Variants in CLEC16A observed in about 807,000 individuals in gnomAD.
The protein encoded by CLEC16A is C-type lectin domain containing 16A.
Under a neutral mutation model 109.5 loss-of-function variants are expected in CLEC16A, and 51 were observed. The observed-to-expected ratio is 0.47, with a 90% CI of 0.37 to 0.59. The LOEUF is 0.59. Ranked by LOEUF, CLEC16A falls within the 20% of genes least tolerant of loss-of-function variation. The pLI, the probability that CLEC16A is intolerant of heterozygous loss-of-function variation, is 0.00. For synonymous variants in CLEC16A, 673 were observed against 564.2 expected (o/e 1.19, Z -2.73); for missense variants, 1,339 against 1,394.0 (o/e 0.96, Z 0.63).
intron 19 of CLEC16A, among the ~76,000 whole-genome samples, chr16:11,117,750 A>G (rs1291964084): frequency 6.6e-6 from 1 of 152,192 alleles, no homozygotes; most frequent in African/African-American, 2.4e-5. Context: ...TTAAATGGGT[A>G]TATAATTTTG....
chr16:11,019,891 A>T (rs1297618151), intron 11 of CLEC16A, among the ~76,000 whole-genome samples: 1 of 152,234 alleles, frequency 6.6e-6, no homozygotes. Context: ...GAAATGTGGT[A>T]TCAATAAAGT....
chr16:11,157,925 T>G (rs28674755), intron 22 of CLEC16A, among the ~76,000 whole-genome samples: 5,203 of 152,204 alleles, frequency 0.034, 303 homozygotes, highest in African/African-American at 0.12. Flanking sequence ...CCAGAGCTGC[T>G]TCTTGAGTCA....
intron 10 of CLEC16A, among the ~76,000 whole-genome samples, chr16:11,000,808 C>T (rs1054308199): frequency 1.3e-5 from 2 of 152,066 alleles, no homozygotes; most frequent in East Asian, 1.9e-4. Context: ...TTGTTTTGAG[C>T]GTTATTGAAA....
chr16:11,113,141 CAG>C, intron 19 of CLEC16A, among the ~76,000 whole-genome samples: 1 of 152,356 alleles, frequency 6.6e-6, no homozygotes, highest in Middle Eastern at 3.4e-3. Context: ...AGGGTGCTGT[CAG>C]AGAGCTCTTG....
In CLEC16A at chr16:11,166,559, G is replaced by A; in HGVS notation, c.2806+7G>A. 3 of 1,580,050 alleles carry A rather than the reference G, an allele frequency of 1.9e-6. No homozygotes were observed. On this transcript the variant is annotated splice_region_variant and intron_variant, in intron 23 of 23. Transcript: ENST00000409790. The stretch of plus-strand genomic sequence containing the variant: ...ACAGCCCAGAGTCCAGCAGGTATTG[G>A]CCACGTGACTCAGTGATATGGGGAC...
At chr16:11,076,421 G>A (rs2049379542) in intron 19 of CLEC16A, among the ~76,000 whole-genome samples, 1 of 152,118 alleles carries the variant, frequency 6.6e-6, no homozygotes, top group Admixed American at 6.5e-5. Flanking sequence ...CATGGGGGGA[G>A]TGGGGTTGAG....
At chr16:11,005,767 A>G (rs968664050) in intron 11 of CLEC16A, among the ~76,000 whole-genome samples, 5 of 152,164 alleles carry the variant, frequency 3.3e-5, no homozygotes, top group Non-Finnish European at 7.3e-5. Flanking sequence ...GAAGGGTGTC[A>G]GGCACATTTC....
intron 16 of CLEC16A, 81 bp from the exon 17 acceptor site, chr16:11,047,211 C>T: frequency 8.3e-7 from 1 of 1,197,770 alleles, no homozygotes; most frequent in Non-Finnish European, 1.1e-6. Context: ...TCTAAAGCCA[C>T]AAACTAGAGT....
At chr16:11,029,808 A>T (rs1051649829) in intron 13 of CLEC16A, among the ~76,000 whole-genome samples, 8 of 152,222 alleles carry the variant, frequency 5.3e-5, no homozygotes, top group African/African-American at 1.9e-4. Flanking sequence ...ACATATGTAA[A>T]TACCCGTGAA....
At position 11,060,997 on chromosome 16, in the gene CLEC16A, C is replaced by G. The variant is rs952198322; in HGVS notation, c.2091C>G (p.Ile697Met). The change falls in exon 19 of 24, where the codon ATC (isoleucine) becomes ATG (methionine). Residue 697 changes from isoleucine (I) to methionine (M), a missense_variant. Ile to Met is a conservative substitution (Grantham distance 10). This residue lies in a region of CLEC16A where 1,061 missense variants were observed against 1,006.8 expected (regional missense o/e 1.05). Coordinates refer to ENST00000409790, the MANE Select transcript of CLEC16A (RefSeq NM_015226.3). The stretch of plus-strand genomic sequence containing the variant: ...CGCTGACTCGGGAGGAGGACCTGAT[C>G]AAGACTGATGATGTCCTGGATCTGA... ...QLPLTREEDL[I>M]KTDDVLDLNN... The G allele has an allele frequency of 6.2e-7, 1 of 1,611,148 alleles. No homozygotes were observed. The highest frequency in any genetic ancestry group is 8.5e-7 in the Non-Finnish European group (1 of 1,179,260).
At chr16:10,995,816 C>T (rs1221239393) in intron 10 of CLEC16A, among the ~76,000 whole-genome samples, 1 of 152,190 alleles carries the variant, frequency 6.6e-6, no homozygotes, top group Non-Finnish European at 1.5e-5. Context: ...CATGGCCTGT[C>T]TCCTTTCTTA....
intron 10 of CLEC16A, among the ~76,000 whole-genome samples, chr16:10,993,466 T>C (rs976721123): frequency 2.6e-5 from 4 of 152,308 alleles, no homozygotes; most frequent in Middle Eastern, 3.4e-3. Context: ...GGTGGTGTTA[T>C]TGTCACACGC....
Position 11,011,318 on chromosome 16 carries a change from C to A in CLEC16A, c.1303+8013C>A, listed in dbSNP as rs2045399175. Among the ~76,000 whole-genome samples the A allele has an allele frequency of 1.3e-5, 2 of 151,776 alleles. 1 individual carries two copies. The highest frequency in any genetic ancestry group is 4.2e-4 in the South Asian group (2 of 4,814). On this transcript the variant is annotated intron_variant, in intron 11 of 23. Coordinates refer to ENST00000409790, the MANE Select transcript of CLEC16A (RefSeq NM_015226.3). ...CCTTGGCATTCTGTTGTAAGCAAGA[C>A]CTTTCCCTTCTTCTCATTTATTTAT...
intron 22 of CLEC16A, among the ~76,000 whole-genome samples, chr16:11,127,578 A>G (rs541901648): frequency 6.6e-6 from 1 of 152,350 alleles, no homozygotes; most frequent in South Asian, 2.1e-4. Flanking sequence ...TCTTAAATCC[A>G]GTCTCAGGGC....
At chr16:11,040,225 T>C (rs1343527738) in intron 14 of CLEC16A, 1 of 232,668 alleles carries the variant, frequency 4.3e-6, no homozygotes, top group East Asian at 1.0e-4. Flanking sequence ...AGGCTGACAG[T>C]GGAGTGAGGG....
chr16:10,984,570 G>A (rs1177496125), intron 10 of CLEC16A, among the ~76,000 whole-genome samples: 1 of 152,182 alleles, frequency 6.6e-6, no homozygotes, highest in Non-Finnish European at 1.5e-5. Context: ...CGCTCTAAAG[G>A]GAAGAAGTGT....
intron 19 of CLEC16A, among the ~76,000 whole-genome samples, chr16:11,082,215 T>G (rs1843436788): frequency 6.6e-6 from 1 of 152,184 alleles, no homozygotes; most frequent in Non-Finnish European, 1.5e-5. Context: ...TGTGCATGTG[T>G]GTATGTACAC....
In CLEC16A at chr16:11,042,079, T is replaced by C. The variant is rs919150568; in HGVS notation, c.1661-175T>C. ...TTGATGGAGAACATTGAATTCTAACTGATGGGGAATGGTTTGGGCATGGGG... is the reference window on the plus strand; with the variant it reads ...TTGATGGAGAACATTGAATTCTAACCGATGGGGAATGGTTTGGGCATGGGG... On this transcript the variant is annotated intron_variant, in intron 14 of 23. Transcript: ENST00000409790. 1.9e-5 allele frequency: 11 copies of C among 571,582 alleles called. No homozygotes were observed. The East Asian group carries it at 3.2e-4, about 17-fold the overall frequency. 35.4% of individuals were successfully genotyped at this position (571,582 alleles called of 1,614,324 possible).
At chr16:11,168,336 A>G (rs551123927) in intron 23 of CLEC16A, among the ~76,000 whole-genome samples, 6 of 152,286 alleles carry the variant, frequency 3.9e-5, no homozygotes, top group African/African-American at 7.2e-5. Flanking sequence ...TCCAGTGGCT[A>G]TTAACTTGGC....
Sources: allele counts gnomAD v4.1 joint callset (sites outside exome capture counted in the v4.1 genomes callset), GRCh38; gene constraint gnomAD v4.1.1; regional missense constraint gnomAD v4.1.1; transcripts MANE v1.5; gene names NCBI Gene and HGNC (gene_info 2026-07-23, HGNC 2026-07-21).